PVT1: variants seen among roughly 807,000 people sequenced by gnomAD.
The protein encoded by PVT1 is Pvt1 oncogene.
chr8:128,059,089 G>A (rs538038766), intron 4 of PVT1, among the ~76,000 whole-genome samples: 63 of 152,162 alleles, frequency 4.1e-4, no homozygotes, highest in African/African-American at 1.3e-3. Flanking sequence ...GTTGTGTCCC[G>A]GTGGCCAGCA....
At chr8:127,977,326 GT>G (rs1018348109) in intron 3 of PVT1, among the ~76,000 whole-genome samples, 1 of 152,126 alleles carries the variant, frequency 6.6e-6, no homozygotes, top group African/African-American at 2.4e-5. Flanking sequence ...TCAAGTGTGG[GT>G]TCTGCCCCTG....
intron 3 of PVT1, among the ~76,000 whole-genome samples, chr8:127,931,049 T>G (rs1816199778): frequency 6.6e-6 from 1 of 152,088 alleles, no homozygotes; most frequent in African/African-American, 2.4e-5. Context: ...GGACTACAGG[T>G]GCGCTCCACC....
intron 3 of PVT1, among the ~76,000 whole-genome samples, chr8:127,981,495 T>G (rs1246630125): frequency 1.3e-5 from 2 of 152,184 alleles, no homozygotes; most frequent in Non-Finnish European, 2.9e-5. Context: ...AAACAATGGC[T>G]TTGATGTTCT....
chr8:127,918,386 C>G (rs770980522), intron 3 of PVT1, among the ~76,000 whole-genome samples: 2 of 152,138 alleles, frequency 1.3e-5, no homozygotes, highest in East Asian at 1.9e-4. Context: ...CGGACTTGCT[C>G]GGTGAATGGA....
intron 3 of PVT1, among the ~76,000 whole-genome samples, chr8:127,929,641 G>T (rs1171940710): frequency 3.3e-5 from 5 of 152,112 alleles, no homozygotes; most frequent in Non-Finnish European, 7.4e-5. Context: ...GGTGGCGGGC[G>T]CCTGTAGTCC....
At chr8:127,885,183 C>G (rs915788785) in intron 2 of PVT1, among the ~76,000 whole-genome samples, 1 of 151,916 alleles carries the variant, frequency 6.6e-6, no homozygotes, top group Admixed American at 6.6e-5. Context: ...CTTGTAGGAG[C>G]CGAGGAGTGA....
At chr8:127,809,029 C>CAAAAAAAAAAAAAAAAAAAAAAAAAA (rs1158760672) in intron 2 of PVT1, among the ~76,000 whole-genome samples, 4 of 28,274 alleles carry the variant, frequency 1.4e-4, no homozygotes, top group African/African-American at 4.3e-4. Flanking sequence ...GATTCCATCT[C>CAAAAAAAAAAAAAAAAAAAAAAAAAA]AAAAAAAAAA....
intron 5 of PVT1, among the ~76,000 whole-genome samples, chr8:128,075,937 A>G (rs1034221295): frequency 2.0e-5 from 3 of 152,264 alleles, no homozygotes; most frequent in African/African-American, 7.2e-5. Flanking sequence ...TAGCTACAAC[A>G]CATTTTATCA....
intron 3 of PVT1, among the ~76,000 whole-genome samples, chr8:127,949,379 C>CTGTGTGTGTGTGTGTG (rs61425056): frequency 0.04 from 4,477 of 111,198 alleles, 254 homozygotes; most frequent in East Asian, 0.074. Flanking sequence ...ACTCCAGGAG[C>CTGTGTGTGTGTGTGTG]TGTGTGTGTG....
intron 4 of PVT1, among the ~76,000 whole-genome samples, chr8:128,036,390 G>A (rs1472709214): frequency 2.0e-5 from 3 of 152,140 alleles, no homozygotes; most frequent in East Asian, 1.9e-4. Flanking sequence ...CCTCGTCATC[G>A]ACAGGAAGGC....
intron 5 of PVT1, among the ~76,000 whole-genome samples, chr8:128,080,593 G>C (rs1205935377): frequency 1.3e-5 from 2 of 152,070 alleles, no homozygotes; most frequent in Non-Finnish European, 2.9e-5. Context: ...AGAGTTCTTT[G>C]TATACTTTGT....
At chr8:128,009,041 T>A (rs949136889) in intron 4 of PVT1, 2 of 402,432 alleles carry the variant, frequency 5.0e-6, no homozygotes, top group African/African-American at 4.0e-5. Context: ...TACCTATCAC[T>A]GTTTTATCAA....
intron 5 of PVT1, among the ~76,000 whole-genome samples, chr8:128,094,662 TG>T (rs1391491784): frequency 6.6e-6 from 1 of 152,242 alleles, no homozygotes; most frequent in African/African-American, 2.4e-5. Flanking sequence ...TGATATCAAG[TG>T]GGCACTCAAG....
At chr8:127,927,231 A>G (rs948223690) in intron 3 of PVT1, among the ~76,000 whole-genome samples, 2 of 152,170 alleles carry the variant, frequency 1.3e-5, no homozygotes. Context: ...ATCTGGGTCA[A>G]TGATGTGGTG....
chr8:128,056,283 G>A (rs1813761300), intron 4 of PVT1, among the ~76,000 whole-genome samples: 1 of 152,182 alleles, frequency 6.6e-6, no homozygotes, highest in East Asian at 1.9e-4. Flanking sequence ...AGGAGTGTGT[G>A]TGTATTCATG....
intron 3 of PVT1, among the ~76,000 whole-genome samples, chr8:127,942,551 A>G (rs956932767): frequency 1.3e-5 from 2 of 152,172 alleles, no homozygotes; most frequent in South Asian, 2.1e-4. Context: ...AACCCATTCT[A>G]CAGCTGCTGA....
intron 2 of PVT1, among the ~76,000 whole-genome samples, chr8:127,820,849 C>T (rs1371101343): frequency 6.6e-6 from 1 of 152,104 alleles, no homozygotes; most frequent in Non-Finnish European, 1.5e-5. Context: ...AGCTGGATTA[C>T]AGACATGCAC....
intron 5 of PVT1, among the ~76,000 whole-genome samples, chr8:128,079,881 T>C (rs375067806): frequency 2.6e-4 from 40 of 152,020 alleles, no homozygotes; most frequent in Admixed American, 2.0e-3. Context: ...CCCGCCACCA[T>C]GCCTGGCTAA....
chr8:127,872,217 C>G (rs1815358960), intron 2 of PVT1, among the ~76,000 whole-genome samples: 1 of 152,202 alleles, frequency 6.6e-6, no homozygotes. Context: ...AGTTCAAGAC[C>G]AGCCTGGGTA....
Sources: allele counts gnomAD v4.1 joint callset (sites outside exome capture counted in the v4.1 genomes callset), GRCh38; gene constraint gnomAD v4.1.1; transcripts MANE v1.5; gene names NCBI Gene and HGNC (gene_info 2026-07-23, HGNC 2026-07-21).